FLT1: variants seen among roughly 807,000 people sequenced by gnomAD.
FLT1 encodes the protein vascular endothelial growth factor receptor 1.
Under a neutral mutation model 156.3 loss-of-function variants are expected in FLT1, and 49 were observed. The observed-to-expected ratio is 0.31, with a 90% CI of 0.25 to 0.40. FLT1 has a LOEUF of 0.40. Among genes scored for constraint, FLT1 ranks in the 10% least tolerant of loss-of-function variants. FLT1 has a pLI of 1.00. For missense variants in FLT1, 1,322 were observed against 1,637.2 expected, an observed-to-expected ratio of 0.81 and a Z score of 3.32; for synonymous variants, 594 against 583.8, an observed-to-expected ratio of 1.02 and a Z score of -0.25.
intron 12 of FLT1, among the ~76,000 whole-genome samples, chr13:28,391,571 T>C (rs1874721420): frequency 6.6e-6 from 1 of 152,222 alleles, no homozygotes; most frequent in Admixed American, 6.5e-5. Context: ...CTCCTTGAAA[T>C]GTATAAAACC....
intron 15 of FLT1, among the ~76,000 whole-genome samples, chr13:28,351,086 A>G (rs1872723784): frequency 6.6e-6 from 1 of 151,130 alleles, no homozygotes; most frequent in Non-Finnish European, 1.5e-5. Flanking sequence ...AACACATTGC[A>G]TGTATTATTT....
At chr13:28,466,121 A>T (rs1425685613) in intron 3 of FLT1, among the ~76,000 whole-genome samples, 1 of 152,188 alleles carries the variant, frequency 6.6e-6, no homozygotes, top group African/African-American at 2.4e-5. Context: ...GAACTAAACA[A>T]GGAAGAAGAA....
intron 4 of FLT1, 114 bp downstream of exon 4, chr13:28,438,107 A>G (rs1878131500): frequency 9.7e-7 from 1 of 1,029,508 alleles, no homozygotes; most frequent in Non-Finnish European, 1.5e-6. Flanking sequence ...AGGAAAGTCC[A>G]CTGAGAAGCC....
At chr13:28,386,243 C>T (rs1808647163) in intron 13 of FLT1, 1 of 1,051,740 alleles carries the variant, frequency 9.5e-7, no homozygotes, top group Admixed American at 5.5e-5. Flanking sequence ...AAAACCTTTC[C>T]CTTTTGAGTC....
rs556558857 is a variant in FLT1 at position 28,346,988 on chromosome 13, A to G, written c.2249-1437T>C. Among the ~76,000 whole-genome samples the G allele has an allele frequency of 1.6e-4, 25 of 152,308 alleles. No individual in the cohort carries two copies. In the South Asian group the frequency reaches 5.2e-3, roughly 32 times the overall value. ...AAGGTTAGGGGCCGGAGGAGATAGA[A>G]AGATTAATGAGGGACAGTTGCCACT... is the stretch of plus-strand genomic sequence containing the variant. On this transcript the variant is annotated intron_variant, in intron 15 of 29. Transcript: ENST00000282397.
intron 10 of FLT1, among the ~76,000 whole-genome samples, chr13:28,422,891 C>A (rs565859485): frequency 6.6e-6 from 1 of 152,296 alleles, no homozygotes; most frequent in Non-Finnish European, 1.5e-5. Context: ...TGAAATCCAC[C>A]CTTTCCATTC....
At chr13:28,321,035 C>T (rs1021866058) in intron 23 of FLT1, among the ~76,000 whole-genome samples, 1 of 152,164 alleles carries the variant, frequency 6.6e-6, no homozygotes, top group Non-Finnish European at 1.5e-5. Context: ...CTACTGCTGA[C>T]GGTCTTCCCC....
intron 10 of FLT1, among the ~76,000 whole-genome samples, chr13:28,410,104 C>T (rs1876063087): frequency 1.3e-5 from 2 of 152,244 alleles, no homozygotes; most frequent in Admixed American, 6.5e-5. Context: ...CAATGCACAC[C>T]CAAAGGTACC....
rs1404687181 is a variant in FLT1 at position 28,306,425 on chromosome 13, G to A, written c.3815+253C>T. On this transcript the variant is annotated intron_variant, in intron 29 of 29. Transcript: ENST00000282397. ...TCAGGCTTCTTTCACCTGAGGCACT[G>A]TGCTGGCCACATCTGGACTGCCTGT... Among the ~76,000 whole-genome samples, 4 of 152,218 alleles carry A rather than the reference G, an allele frequency of 2.6e-5. No individual in the cohort carries two copies. In the South Asian group the frequency reaches 6.2e-4, roughly 24 times the overall value.
chr13:28,468,511 C>G (rs73455454), intron 1 of FLT1, among the ~76,000 whole-genome samples: 21,932 of 152,170 alleles, frequency 0.14, 2,865 homozygotes, highest in African/African-American at 0.35. Context: ...CTCTGACCTT[C>G]CATTTCTCAC....
chr13:28,484,387 A>G (rs1216995435), intron 1 of FLT1, among the ~76,000 whole-genome samples: 1 of 152,204 alleles, frequency 6.6e-6, no homozygotes, highest in Non-Finnish European at 1.5e-5. Context: ...TGCTGTCCTC[A>G]TGCTGTTGTT....
intron 27 of FLT1, 61 bp from the exon 28 acceptor site, chr13:28,308,988 G>A (rs990680025): frequency 2.7e-5 from 25 of 920,922 alleles, no homozygotes; most frequent in Non-Finnish European, 4.1e-5. Flanking sequence ...TAATGAGTCA[G>A]GAGACCACAG....
Position 28,306,703 on chromosome 13 carries a change from T to A in FLT1, c.3790A>T (p.Lys1264Ter). ...TCAATCTTGAGCGAGGCCTTGGGTT[T>A]GCTGTCAGTCCAGGTGAAGCGCTTC... The part of the protein sequence containing the change: ...MLKRFTWTDS[K>*]PKASLKIDLR... Residue 1264 changes from lysine (K) to a stop codon, truncating the protein, a stop_gained, in exon 29 of 30, where the codon AAA becomes TAA. Coordinates refer to ENST00000282397, the MANE Select transcript of FLT1 (RefSeq NM_002019.4). LOFTEE classifies it low-confidence loss of function (END_TRUNC). 6.2e-7 allele frequency: 1 copy of A among 1,613,950 alleles called. No individual in the cohort carries two copies. Among genetic ancestry groups the A allele is most frequent in the Non-Finnish European group, 8.5e-7 (1 of 1,179,832 alleles).
chr13:28,343,625 C>T (rs1473226037), intron 16 of FLT1, among the ~76,000 whole-genome samples: 1 of 151,148 alleles, frequency 6.6e-6, no homozygotes, highest in East Asian at 2.0e-4. Flanking sequence ...CAAAATTTCT[C>T]TTCTTTTCTT....
At chr13:28,475,370 G>A (rs1039276901) in intron 1 of FLT1, among the ~76,000 whole-genome samples, 2 of 152,108 alleles carry the variant, frequency 1.3e-5, no homozygotes, top group African/African-American at 4.8e-5. Flanking sequence ...TTTGCATACT[G>A]TGTTTTCAGT....
intron 17 of FLT1, 84 bp downstream of exon 17, chr13:28,339,084 A>G: frequency 7.6e-7 from 1 of 1,322,140 alleles, no homozygotes; most frequent in Non-Finnish European, 1.1e-6. Flanking sequence ...GGTCTAGTTT[A>G]CTTTCGCATC....
intron 19 of FLT1, 122 bp from the exon 20 acceptor site, chr13:28,327,672 T>C (rs550608673): frequency 4.2e-6 from 3 of 716,312 alleles, no homozygotes; most frequent in East Asian, 5.3e-5. Flanking sequence ...GGCGAAGGGA[T>C]GCGATTTAGG....
At chr13:28,321,608 T>A (rs1871464049) in intron 22 of FLT1, 23 bp from the exon 23 acceptor site, 1 of 1,612,818 alleles carries the variant, frequency 6.2e-7, no homozygotes, top group Non-Finnish European at 8.5e-7. Flanking sequence ...AGTTGCATAA[T>A]CAATGCATTT....
chr13:28,338,704 C>T (rs1346882107), intron 17 of FLT1, among the ~76,000 whole-genome samples: 1 of 152,164 alleles, frequency 6.6e-6, no homozygotes, highest in Non-Finnish European at 1.5e-5. Flanking sequence ...CCAACTCTTT[C>T]ACCGAATGTT....
Sources: gnomAD v4.1 joint callset for allele counts (sites outside exome capture counted in the v4.1 genomes callset) on GRCh38, gnomAD v4.1.1 for gene constraint, MANE v1.5 for transcripts, NCBI Gene and HGNC (gene_info 2026-07-23, HGNC 2026-07-21) for gene names.